The following NDST1 variants were observed in gnomAD, a reference collection of about 807,000 sequenced individuals.
NDST1 encodes bifunctional heparan sulfate N-deacetylase/N-sulfotransferase 1.
A neutral mutation model predicts 92.8 loss-of-function variants in NDST1; 35 were observed. The observed-to-expected ratio is 0.38, with a 90% CI of 0.29 to 0.50. The LOEUF (loss-of-function observed/expected upper bound fraction) is 0.50, where lower values mean the gene tolerates loss of function less well. Ranked by LOEUF, NDST1 falls within the 20% of genes least tolerant of loss-of-function variation. NDST1 has a pLI of 0.94. For missense variants in NDST1, 822 were observed against 1,182.7 expected, an observed-to-expected ratio of 0.69 and a Z score of 4.47; for synonymous variants, 493 against 500.3, an observed-to-expected ratio of 0.99 and a Z score of 0.19.
upstream of NDST1, among the ~76,000 whole-genome samples, chr5:150,505,285 A>T (rs910677014): frequency 1.3e-4 from 20 of 152,160 alleles, no homozygotes; most frequent in Non-Finnish European, 1.3e-4. Context: ...CTGCCTTCAC[A>T]TTAGCCCCGG....
At chr5:150,523,036 C>T (rs1368075977) in intron 2 of NDST1, among the ~76,000 whole-genome samples, 1 of 152,174 alleles carries the variant, frequency 6.6e-6, no homozygotes, top group Admixed American at 6.5e-5. Flanking sequence ...GCGCACTGGG[C>T]CCTGTCTCCT....
At chr5:150,525,950 C>T (rs141755666) in intron 2 of NDST1, among the ~76,000 whole-genome samples, 39 of 152,282 alleles carry the variant, frequency 2.6e-4, no homozygotes, top group African/African-American at 8.2e-4. Flanking sequence ...TCTTTGAGGG[C>T]TTCCTGCTGC....
At chr5:150,522,201 G>A (rs1241006182) in intron 2 of NDST1, among the ~76,000 whole-genome samples, 5 of 152,232 alleles carry the variant, frequency 3.3e-5, no homozygotes, top group Admixed American at 6.5e-5. Flanking sequence ...TGGAGAAGCC[G>A]AGATTTGAAC....
rs1241674377 is a variant in NDST1 at position 150,539,643 on chromosome 5, TACAC to T, written c.1566+289_1566+292del. On this transcript the variant is annotated intron_variant, in intron 7 of 14. Transcript: ENST00000261797. ...CTTTGCTCATGTGTGTATACACACA[TACAC>T]AGATACACACACATATATGAACAAC... 4 of 985,464 alleles carry T rather than the reference TACAC, an allele frequency of 4.1e-6. No individual in the cohort carries two copies. In the African/African-American group the frequency reaches 5.2e-5, roughly 13 times the overall value. 61.0% of individuals were successfully genotyped at this position (985,464 alleles called of 1,614,324 possible).
chr5:150,518,926 G>A (rs923364489), intron 1 of NDST1: 1 of 152,226 alleles, frequency 6.6e-6, no homozygotes, highest in South Asian at 2.1e-4. Flanking sequence ...ACAGGTGTGT[G>A]TCACCACGCC....
chr5:150,502,666 T>G (rs1020461389), intron 1 of NDST1, among the ~76,000 whole-genome samples: 11 of 152,274 alleles, frequency 7.2e-5, no homozygotes, highest in African/African-American at 2.6e-4. Context: ...TCCTTTTCTC[T>G]CTCTGCAAAC....
chr5:150,521,190 T>A lies in NDST1; in HGVS notation c.-65T>A, dbSNP rs1038885722. 2 of 1,448,978 alleles carry A rather than the reference T, an allele frequency of 1.4e-6. No homozygotes were observed. Among genetic ancestry groups the A allele is most frequent in the Non-Finnish European group, 1.9e-6 (2 of 1,069,122 alleles). 89.8% of individuals were successfully genotyped at this position (1,448,978 alleles called of 1,614,324 possible). Reference sequence around the variant, plus strand: ...AGTGGACGATTCTCGTGTCTCCTCCTGTGTGGGGCCTTGGGGTAGCCAGGG... The same window carrying A: ...AGTGGACGATTCTCGTGTCTCCTCCAGTGTGGGGCCTTGGGGTAGCCAGGG... On this transcript the variant is annotated 5_prime_UTR_variant, in exon 2 of 15. Coordinates refer to ENST00000261797, the MANE Select transcript of NDST1 (RefSeq NM_001543.5). The surrounding 1 kb of genome is among the most constrained non-coding windows in gnomAD (Gnocchi z 5.9).
At chr5:150,546,543 G>A (rs1018439435) in intron 11 of NDST1, among the ~76,000 whole-genome samples, 1 of 152,254 alleles carries the variant, frequency 6.6e-6, no homozygotes, top group Admixed American at 6.5e-5. Context: ...GACCAGGCCT[G>A]TGCTTGGTGT....
intron 3 of NDST1, among the ~76,000 whole-genome samples, chr5:150,530,630 C>T (rs1754686686): frequency 1.4e-5 from 2 of 143,916 alleles, no homozygotes; most frequent in Admixed American, 1.4e-4. Flanking sequence ...GTGGCGGGAT[C>T]ACAGCTCACT....
chr5:150,512,533 C>T (rs189954987), intron 1 of NDST1, among the ~76,000 whole-genome samples: 59 of 152,328 alleles, frequency 3.9e-4, no homozygotes, highest in African/African-American at 1.3e-3. Flanking sequence ...TTGCTTGTTC[C>T]GCACTCCCAG....
chr5:150,535,976 T>C (rs977781502), intron 6 of NDST1, 91 bp downstream of exon 6: 1 of 1,443,850 alleles, frequency 6.9e-7, no homozygotes, highest in African/African-American at 1.4e-5. Context: ...AGCACGGCTC[T>C]GGTTTGCTGG....
In NDST1 at chr5:150,553,131, G is replaced by A. The variant is rs916652823; in HGVS notation, c.2530-82G>A. The A allele has an allele frequency of 1.6e-5, 24 of 1,477,538 alleles. No individual in the cohort carries two copies. Among genetic ancestry groups the A allele is most frequent in the South Asian group, 3.4e-5 (3 of 88,234 alleles). The allele number at this position is 1,477,538 out of a possible 1,614,324, so 91.5% of individuals were successfully genotyped here. A position where few individuals can be genotyped will look rare whatever the true frequency, so the allele number is the denominator to read the frequency against. On this transcript the variant is annotated intron_variant, in intron 14 of 14. Transcript: ENST00000261797. The surrounding 1 kb of genome is among the most constrained non-coding windows in gnomAD (Gnocchi z 4.2). ...GCTGGGATTACAGGCATGAGCCACC[G>A]TGCCCGGCCGAGCATGGCGATTTTT...
chr5:150,512,883 TG>T (rs1383875446), intron 1 of NDST1, among the ~76,000 whole-genome samples: 2 of 152,196 alleles, frequency 1.3e-5, no homozygotes. Context: ...GTCATGAGGC[TG>T]GTAAATAATG....
chr5:150,538,379 CAG>C, intron 6 of NDST1, among the ~76,000 whole-genome samples: 1 of 152,236 alleles, frequency 6.6e-6, no homozygotes, highest in South Asian at 2.1e-4. Flanking sequence ...TTGTGTGGAG[CAG>C]AGACTGTAGG....
chr5:150,553,522 G>T lies in NDST1; in HGVS notation c.*190G>T. 2 of 745,496 alleles carry T rather than the reference G, an allele frequency of 2.7e-6. No homozygotes were observed. The highest frequency in any genetic ancestry group is 4.5e-6 in the Non-Finnish European group (2 of 439,912). The allele number at this position is 745,496 out of a possible 1,614,324, so 46.2% of individuals were successfully genotyped here. On this transcript the variant is annotated 3_prime_UTR_variant, in exon 15 of 15. Coordinates refer to ENST00000261797, the MANE Select transcript of NDST1 (RefSeq NM_001543.5). The surrounding 1 kb of genome is among the most constrained non-coding windows in gnomAD (Gnocchi z 4.2). ...AAGCACCTCGGAGCACCCACCGCTGGGTCTGCGGCCTAAGGGACCTCCCTC... is the reference window on the plus strand; with the variant it reads ...AAGCACCTCGGAGCACCCACCGCTGTGTCTGCGGCCTAAGGGACCTCCCTC...
chr5:150,538,357 T>C (rs1755086621), intron 6 of NDST1, among the ~76,000 whole-genome samples: 1 of 152,150 alleles, frequency 6.6e-6, no homozygotes. Context: ...GGGATTTCTA[T>C]CATTCTGGCT....
chr5:150,526,897 A>G (rs1205603218), intron 2 of NDST1, among the ~76,000 whole-genome samples: 10 of 152,254 alleles, frequency 6.6e-5, no homozygotes, highest in Admixed American at 6.5e-4. Context: ...TCAGACTTCC[A>G]GGGAGCTGAG....
At position 150,555,889 on chromosome 5, in the gene NDST1, C is replaced by G. The variant is rs1755859193; in HGVS notation, c.*2557C>G. ...CCTTCTGCAAGCCTGGAGACTGGACCTGCCACATGTTCCAAGTCTGTCTGC... is the reference window on the plus strand; with the variant it reads ...CCTTCTGCAAGCCTGGAGACTGGACGTGCCACATGTTCCAAGTCTGTCTGC... On this transcript the variant is annotated 3_prime_UTR_variant, in exon 15 of 15. Coordinates refer to ENST00000261797, the MANE Select transcript of NDST1 (RefSeq NM_001543.5). 6.6e-6 allele frequency: 1 copy of G among 152,334 alleles called. No homozygotes were observed. The highest frequency in any genetic ancestry group is 6.5e-5 in the Admixed American group (1 of 15,282). The allele number at this position is 152,334 out of a possible 1,614,324, so 9.4% of individuals were successfully genotyped here. A position where few individuals can be genotyped will look rare whatever the true frequency, so the allele number is the denominator to read the frequency against.
At position 150,533,722 on chromosome 5, in the gene NDST1, C is replaced by T. The variant is rs1250130620; in HGVS notation, c.1096+690C>T. The stretch of plus-strand genomic sequence containing the variant: ...AGATGGAGGGGTATATGCAACATAG[C>T]CCCAAAGCCAAATAGGAGTGATCCT... On this transcript the variant is annotated intron_variant, in intron 4 of 14. Coordinates refer to ENST00000261797, the MANE Select transcript of NDST1 (RefSeq NM_001543.5). Among the ~76,000 whole-genome samples the T allele has an allele frequency of 2.6e-5, 4 of 152,248 alleles. No individual in the cohort carries two copies. In the East Asian group the frequency reaches 7.7e-4, roughly 29 times the overall value.
Sources: allele counts gnomAD v4.1 joint callset (sites outside exome capture counted in the v4.1 genomes callset), GRCh38; gene constraint gnomAD v4.1.1; non-coding constraint Gnocchi (gnomAD v3.1); transcripts MANE v1.5; gene names NCBI Gene and HGNC (gene_info 2026-07-23, HGNC 2026-07-21).